NAA35: variants seen among roughly 807,000 people sequenced by gnomAD.
The protein encoded by NAA35 is N-alpha-acetyltransferase 35, NatC auxiliary subunit.
NAA35 carries 18 observed loss-of-function variants against 101.7 expected under a neutral mutation model. That is an observed-to-expected ratio of 0.18 (90% CI 0.12 to 0.26). The LOEUF is 0.26. Among genes scored for constraint, NAA35 ranks in the 10% least tolerant of loss-of-function variants. The pLI is 1.00. For missense variants in NAA35, 601 were observed against 886.8 expected, an observed-to-expected ratio of 0.68 and a Z score of 4.09; for synonymous variants, 267 against 273.1, an observed-to-expected ratio of 0.98 and a Z score of 0.22.
intron 17 of NAA35, among the ~76,000 whole-genome samples, chr9:86,015,430 A>AT (rs758098391): frequency 3.7e-4 from 56 of 152,286 alleles, no homozygotes; most frequent in Non-Finnish European, 7.4e-4. Flanking sequence ...TCCCTGAAGC[A>AT]TGTGGACTCT....
intron 2 of NAA35, among the ~76,000 whole-genome samples, chr9:85,942,515 A>G (rs1283753279): frequency 6.6e-6 from 1 of 152,254 alleles, no homozygotes; most frequent in Non-Finnish European, 1.5e-5. Context: ...TTCTTGCTTT[A>G]ACAGGTTAGA....
chr9:85,955,911 C>T (rs1829255275), intron 2 of NAA35, among the ~76,000 whole-genome samples: 2 of 152,114 alleles, frequency 1.3e-5, no homozygotes, highest in Admixed American at 1.3e-4. Flanking sequence ...CAAGTGTCTT[C>T]TACATGATTT....
chr9:85,942,758 TATTAC>T (rs1193258982), intron 2 of NAA35, among the ~76,000 whole-genome samples: 2 of 152,218 alleles, frequency 1.3e-5, no homozygotes, highest in African/African-American at 4.8e-5. Context: ...CCGCCAGGCT[TATTAC>T]ATTCCAGTCA....
At chr9:85,948,079 T>G (rs1828845004) in intron 2 of NAA35, among the ~76,000 whole-genome samples, 1 of 152,240 alleles carries the variant, frequency 6.6e-6, no homozygotes, top group Non-Finnish European at 1.5e-5. Flanking sequence ...GATATTTATT[T>G]TGCTGGTTTT....
chr9:85,991,066 G>C (rs939034749), intron 11 of NAA35, among the ~76,000 whole-genome samples: 5 of 152,302 alleles, frequency 3.3e-5, no homozygotes, highest in African/African-American at 9.6e-5. Context: ...AGCTGAGCTT[G>C]GGGTGCCTGA....
chr9:85,952,866 T>C (rs1829081082), intron 2 of NAA35, among the ~76,000 whole-genome samples: 1 of 152,160 alleles, frequency 6.6e-6, no homozygotes, highest in Non-Finnish European at 1.5e-5. Flanking sequence ...ATCAAGGTTG[T>C]TTTTTTATTT....
intron 2 of NAA35, among the ~76,000 whole-genome samples, chr9:85,953,544 G>T (rs755357838): frequency 1.1e-4 from 17 of 152,188 alleles, no homozygotes; most frequent in Non-Finnish European, 2.4e-4. Context: ...TTCCACCTCA[G>T]CCTTCCAAGT....
chr9:86,018,859 T>C, intron 21 of NAA35, 38 bp downstream of exon 21: 1 of 1,604,278 alleles, frequency 6.2e-7, no homozygotes, highest in South Asian at 1.1e-5. Context: ...GGGAAAAGCG[T>C]GGCAGGAAAT....
At chr9:86,008,241 T>G (rs1038414027) in intron 14 of NAA35, among the ~76,000 whole-genome samples, 1 of 152,178 alleles carries the variant, frequency 6.6e-6, no homozygotes, top group African/African-American at 2.4e-5. Context: ...TTTTGTATTT[T>G]TAGTAGAGAT....
chr9:86,000,451 AAT>A (rs1831376180), intron 12 of NAA35, among the ~76,000 whole-genome samples: 1 of 151,998 alleles, frequency 6.6e-6, no homozygotes, highest in South Asian at 2.1e-4. Flanking sequence ...AGTTTTTTGC[AAT>A]AGTTTCTGTA....
chr9:85,944,084 A>T (rs1347231087), intron 2 of NAA35, among the ~76,000 whole-genome samples: 1 of 152,198 alleles, frequency 6.6e-6, no homozygotes, highest in Non-Finnish European at 1.5e-5. Context: ...CCCCTTGATG[A>T]TCAGTACAGT....
chr9:85,957,981 G>T (rs1751178894), intron 3 of NAA35, among the ~76,000 whole-genome samples: 2 of 146,184 alleles, frequency 1.4e-5, no homozygotes, highest in African/African-American at 2.5e-5. Flanking sequence ...CACTCTTGTT[G>T]CCCAGGCTGG....
chr9:86,022,000 T>C lies in NAA35; in HGVS notation c.*40T>C. The C allele has an allele frequency of 6.6e-7, 1 of 1,520,260 alleles. No homozygotes were observed. The highest frequency in any genetic ancestry group is 1.1e-5 in the South Asian group (1 of 87,682). 94.2% of individuals were successfully genotyped at this position (1,520,260 alleles called of 1,614,324 possible). ...GTGGCCATAAAGGGGCAGAGTCTTC[T>C]TTCAGACCCAACTCTTAGAGGGCAC... On this transcript the variant is annotated 3_prime_UTR_variant, in exon 23 of 23. Coordinates refer to ENST00000361671, the MANE Select transcript of NAA35 (RefSeq NM_024635.4).
At chr9:85,941,994 A>G in intron 1 of NAA35, 161 bp from the exon 2 acceptor site, 1 of 1,279,000 alleles carries the variant, frequency 7.8e-7, no homozygotes, top group Non-Finnish European at 1.0e-6. Context: ...ATTTGATTGC[A>G]TTAAGGTTAT....
At chr9:85,953,591 A>G (rs1315949119) in intron 2 of NAA35, among the ~76,000 whole-genome samples, 3 of 151,032 alleles carry the variant, frequency 2.0e-5, no homozygotes, top group Admixed American at 2.0e-4. Context: ...ATGCCTGGCT[A>G]CTTTTTGTAT....
chr9:85,961,242 G>A (rs964154480), intron 5 of NAA35, among the ~76,000 whole-genome samples: 4 of 152,094 alleles, frequency 2.6e-5, no homozygotes, highest in African/African-American at 7.2e-5. Flanking sequence ...ATGCAGTAGC[G>A]TATGTCTTAC....
Position 86,024,388 on chromosome 9 carries a change from G to T in NAA35, c.*2428G>T, listed in dbSNP as rs546781126. On this transcript the variant is annotated 3_prime_UTR_variant, in exon 23 of 23. Coordinates refer to ENST00000361671, the MANE Select transcript of NAA35 (RefSeq NM_024635.4). ...GAAGCCGATACCCAAAACCCTGGGAGGCCACAGGTTAAAGATTTTGGACTT... is the reference window on the plus strand; with the variant it reads ...GAAGCCGATACCCAAAACCCTGGGATGCCACAGGTTAAAGATTTTGGACTT... Among the ~76,000 whole-genome samples the T allele has an allele frequency of 1.3e-5, 2 of 152,174 alleles. No individual in the cohort carries two copies. The highest frequency in any genetic ancestry group is 2.4e-5 in the African/African-American group (1 of 41,432).
chr9:85,957,462 C>T (rs541605877), intron 3 of NAA35, among the ~76,000 whole-genome samples: 11 of 152,210 alleles, frequency 7.2e-5, no homozygotes, highest in African/African-American at 1.2e-4. Context: ...AACTGTAATT[C>T]GTTCCTGGGA....
Position 85,962,124 on chromosome 9 carries a change from T to C in NAA35, c.460T>C (p.Leu154=), listed in dbSNP as rs904820220. The change falls in exon 6 of 23, where the codon TTG becomes CTG. Residue 154 remains leucine, a synonymous_variant. Coordinates refer to ENST00000361671, the MANE Select transcript of NAA35 (RefSeq NM_024635.4). ...TATGAAGGCTTTTGCTCTGGGAATCTTGAAAATCTGTGACATTGCAAGGGA... is the reference window on the plus strand; with the variant it reads ...TATGAAGGCTTTTGCTCTGGGAATCCTGAAAATCTGTGACATTGCAAGGGA... ...PAMKAFALGI[L]KICDIAREKV... is the part of the protein sequence containing the mutation. 2.5e-6 allele frequency: 4 copies of C among 1,614,158 alleles called. No individual in the cohort carries two copies. Among genetic ancestry groups the C allele is most frequent in the Non-Finnish European group, 2.5e-6 (3 of 1,180,014 alleles).
Sources: gnomAD v4.1 joint callset for allele counts (sites outside exome capture counted in the v4.1 genomes callset) on GRCh38, gnomAD v4.1.1 for gene constraint, MANE v1.5 for transcripts, NCBI Gene and HGNC (gene_info 2026-07-23, HGNC 2026-07-21) for gene names.